The following SMARCC1 variants were observed in gnomAD, a reference collection of about 807,000 sequenced individuals.
SMARCC1 encodes the protein SWI/SNF related BAF chromatin remodeling complex subunit C1.
Under a neutral mutation model 147.4 loss-of-function variants are expected in SMARCC1, and 43 were observed. The observed-to-expected ratio is 0.29, with a 90% confidence interval of 0.23 to 0.38. The LOEUF is 0.38. Ranked by LOEUF, SMARCC1 falls within the 10% of genes least tolerant of loss-of-function variation. The pLI is 1.00. For missense variants in SMARCC1, 1,119 were observed against 1,381.1 expected (o/e 0.81, Z 3.01); for synonymous variants, 495 against 484.4 (o/e 1.02, Z -0.29).
rs1036523274 is a variant in SMARCC1, at chr3:47,662,316, G to C, written c.2158+18C>G. The C allele has an allele frequency of 1.2e-6, 2 of 1,610,340 alleles. No individual in the cohort carries two copies. Among genetic ancestry groups the C allele is most frequent in the East Asian group, 4.5e-5 (2 of 44,868 alleles). ...ACTGAGTTTTTCTGTTGAGGAGATG[G>C]TTTAGGGAAGTCCATACCCAAAGCC... On this transcript the variant is annotated intron_variant, in intron 20 of 27. Transcript: ENST00000254480.
At chr3:47,598,921 T>C in intron 26 of SMARCC1, among the ~76,000 whole-genome samples, 1 of 145,130 alleles carries the variant, frequency 6.9e-6, no homozygotes, top group East Asian at 2.0e-4. Context: ...GAAGGTGATG[T>C]AAAGATGGAG....
intron 6 of SMARCC1, among the ~76,000 whole-genome samples, chr3:47,722,583 G>T (rs111706279): frequency 6.6e-6 from 1 of 151,894 alleles, no homozygotes; most frequent in Non-Finnish European, 1.5e-5. Flanking sequence ...GGCATGAGCC[G>T]CTGTGCCTGG....
chr3:47,639,096 C>CTGGA (rs2033013348), intron 21 of SMARCC1, among the ~76,000 whole-genome samples: 1 of 152,076 alleles, frequency 6.6e-6, no homozygotes. Context: ...GTTTCTAGGT[C>CTGGA]TGGAATTTGT....
intron 25 of SMARCC1, among the ~76,000 whole-genome samples, chr3:47,612,169 C>T (rs1041467618): frequency 6.6e-6 from 1 of 152,170 alleles, no homozygotes; most frequent in Admixed American, 6.5e-5. Flanking sequence ...AAGTCCAGTT[C>T]TGCAGGAAGA....
At position 47,662,506 on chromosome 3, in the gene SMARCC1, C is replaced by T; in HGVS notation, c.1986G>A (p.Leu662=). ...RTQDECILHF[L]RLPIEDPYLE... is the part of the protein sequence containing the mutation. The stretch of plus-strand genomic sequence containing the variant: ...GGTATGGGTCCTCAATGGGAAGTCT[C>T]AAAAAGTGGAGGATGCATTCATCCT... Residue 662 remains leucine (L), a synonymous_variant, in exon 20 of 28, where the codon TTG becomes TTA. Coordinates refer to ENST00000254480, the MANE Select transcript of SMARCC1 (RefSeq NM_003074.4). The T allele has an allele frequency of 6.2e-7, 1 of 1,614,088 alleles. No individual in the cohort carries two copies.
intron 24 of SMARCC1, among the ~76,000 whole-genome samples, chr3:47,628,767 T>C (rs2032847311): frequency 6.6e-6 from 1 of 152,156 alleles, no homozygotes; most frequent in African/African-American, 2.4e-5. Flanking sequence ...GGTTTCACCG[T>C]GTTGGCCAGG....
At chr3:47,608,865 A>AAC (rs1349888128) in intron 26 of SMARCC1, among the ~76,000 whole-genome samples, 1 of 151,186 alleles carries the variant, frequency 6.6e-6, no homozygotes, top group South Asian at 2.1e-4. Context: ...AAAAAAAAAA[A>AAC]AAAAAAAAAG....
chr3:47,676,926 G>T, intron 16 of SMARCC1, 144 bp from the exon 17 acceptor site: 2 of 680,390 alleles, frequency 2.9e-6, no homozygotes, highest in South Asian at 2.0e-5. Flanking sequence ...CTACTTGACA[G>T]ATTTTGTTAT....
chr3:47,667,767 C>G (rs1393192997), intron 19 of SMARCC1, among the ~76,000 whole-genome samples: 2 of 152,144 alleles, frequency 1.3e-5, no homozygotes, highest in African/African-American at 4.8e-5. Context: ...GTCCCAACTA[C>G]TCGGGAGGCT....
chr3:47,743,991 A>G (rs6442082), intron 3 of SMARCC1, among the ~76,000 whole-genome samples: 91,457 of 151,754 alleles, frequency 0.6, 28,926 homozygotes, highest in East Asian at 0.72. Context: ...CTGGGAACCC[A>G]GAGTTAACAG....
chr3:47,735,493 G>A (rs139193741), intron 5 of SMARCC1, among the ~76,000 whole-genome samples: 1 of 152,172 alleles, frequency 6.6e-6, no homozygotes, highest in African/African-American at 2.4e-5. Flanking sequence ...ATTGTGGCCG[G>A]GCACAGTGGC....
intron 21 of SMARCC1, among the ~76,000 whole-genome samples, chr3:47,649,718 C>T (rs1427049742): frequency 1.3e-5 from 2 of 152,156 alleles, no homozygotes; most frequent in African/African-American, 4.8e-5. Context: ...ACAGTAAATC[C>T]ACTCAGTAGC....
chr3:47,712,289 T>C (rs937055604), intron 8 of SMARCC1, among the ~76,000 whole-genome samples: 2 of 151,574 alleles, frequency 1.3e-5, no homozygotes, highest in African/African-American at 4.9e-5. Context: ...AAATAGAGGC[T>C]TAAGCTAGTT....
chr3:47,592,272 G>A (rs2032197060), intron 26 of SMARCC1, among the ~76,000 whole-genome samples: 1 of 152,190 alleles, frequency 6.6e-6, no homozygotes, highest in South Asian at 2.1e-4. Flanking sequence ...TATGGTCTGT[G>A]TCACAACTAT....
chr3:47,596,852 T>C (rs975994464), intron 26 of SMARCC1, among the ~76,000 whole-genome samples: 11 of 151,710 alleles, frequency 7.3e-5, no homozygotes, highest in African/African-American at 2.7e-4. Context: ...GAGATGGAGA[T>C]GGCACTCTGC....
chr3:47,638,508 T>A (rs759671930), intron 22 of SMARCC1, among the ~76,000 whole-genome samples: 20 of 152,202 alleles, frequency 1.3e-4, no homozygotes, highest in Non-Finnish European at 2.6e-4. Flanking sequence ...GTTTAAAATA[T>A]AAAAGAAGAG....
chr3:47,614,053 C>T (rs973271812), intron 25 of SMARCC1, among the ~76,000 whole-genome samples: 9 of 152,190 alleles, frequency 5.9e-5, no homozygotes, highest in African/African-American at 1.9e-4. Flanking sequence ...GAAATATCAG[C>T]TGAGACTTGA....
chr3:47,640,235 G>T (rs114651895), intron 21 of SMARCC1, among the ~76,000 whole-genome samples: 2 of 150,782 alleles, frequency 1.3e-5, no homozygotes, highest in South Asian at 2.1e-4. Context: ...TAGAAAGTAG[G>T]GATGGAAAAA....
At chr3:47,661,120 C>T (rs769319178) in intron 21 of SMARCC1, among the ~76,000 whole-genome samples, 174 bp downstream of exon 21, 3 of 152,044 alleles carry the variant, frequency 2.0e-5, no homozygotes, top group African/African-American at 7.2e-5. Flanking sequence ...TTTTTTAGTT[C>T]TAGCTACCAA....
Sources: gnomAD v4.1 joint callset for allele counts (sites outside exome capture counted in the v4.1 genomes callset) on GRCh38, gnomAD v4.1.1 for gene constraint, MANE v1.5 for transcripts, NCBI Gene and HGNC (gene_info 2026-07-23, HGNC 2026-07-21) for gene names.